The following IL1RAPL2 variants were observed in gnomAD, a reference collection of about 807,000 sequenced individuals.
IL1RAPL2 encodes the protein X-linked interleukin-1 receptor accessory protein-like 2.
In IL1RAPL2, 3 loss-of-function variants were observed where a neutral mutation model predicts 44.1. The observed-to-expected ratio is 0.07, with a 90% CI of 0.03 to 0.18. The LOEUF (loss-of-function observed/expected upper bound fraction) is 0.18, where lower values mean the gene tolerates loss of function less well. IL1RAPL2 is among the 10% of genes least tolerant of loss of function. IL1RAPL2 has a pLI of 1.00. For missense variants in IL1RAPL2, 391 were observed against 496.4 expected, an observed-to-expected ratio of 0.79 and a Z score of 2.02; for synonymous variants, 181 against 178.8, an observed-to-expected ratio of 1.01 and a Z score of -0.10.
At chrX:104,917,297 G>C (rs147539424) in intron 2 of IL1RAPL2, among the ~76,000 whole-genome samples, 9 of 111,866 alleles carry the variant, frequency 8.0e-5, no homozygotes, top group African/African-American at 1.9e-4. Flanking sequence ...AAAAGAATCT[G>C]AAAGGCTCAA....
chrX:104,947,368 C>T (rs1199634918), intron 2 of IL1RAPL2, among the ~76,000 whole-genome samples: 1 of 94,307 alleles, frequency 1.1e-5, no homozygotes, highest in East Asian at 3.4e-4. Flanking sequence ...TTGTAGGTTG[C>T]CTGTTCACTC....
intron 2 of IL1RAPL2, among the ~76,000 whole-genome samples, chrX:105,002,683 CT>C (rs1220221654): frequency 4.6e-5 from 5 of 109,340 alleles, no homozygotes; most frequent in Non-Finnish European, 7.7e-5. Flanking sequence ...CCCAACCCCC[CT>C]AATATACCCC....
intron 3 of IL1RAPL2, among the ~76,000 whole-genome samples, chrX:105,232,004 T>C (rs1177144504): frequency 8.9e-6 from 1 of 112,097 alleles, no homozygotes; most frequent in Non-Finnish European, 1.9e-5. Flanking sequence ...TTTCACTTAA[T>C]CCCCAGTGGG....
At chrX:104,608,422 T>C (rs1929066874) in intron 1 of IL1RAPL2, among the ~76,000 whole-genome samples, 1 of 110,929 alleles carries the variant, frequency 9.0e-6, no homozygotes, top group African/African-American at 3.3e-5. Context: ...CTGTCTAATG[T>C]TGACAATGGG....
At chrX:104,808,805 G>A (rs1932944127) in intron 2 of IL1RAPL2, among the ~76,000 whole-genome samples, 3 of 111,710 alleles carry the variant, frequency 2.7e-5, no homozygotes, top group Non-Finnish European at 3.8e-5. Context: ...GTTGTTGAAC[G>A]CTGGCAGTTA....
At chrX:105,535,548 T>C (rs981014517) in intron 6 of IL1RAPL2, among the ~76,000 whole-genome samples, 4 of 111,868 alleles carry the variant, frequency 3.6e-5, no homozygotes, top group African/African-American at 1.3e-4. Context: ...AAACTGGAAA[T>C]GTCCTTCAAC....
intron 2 of IL1RAPL2, among the ~76,000 whole-genome samples, chrX:105,089,471 T>C (rs1056319916): frequency 1.8e-5 from 2 of 111,064 alleles, no homozygotes; most frequent in Non-Finnish European, 3.8e-5. Flanking sequence ...TAGTTTCCTC[T>C]GTAGCCCAGG....
intron 2 of IL1RAPL2, among the ~76,000 whole-genome samples, chrX:105,160,926 G>A (rs926435739): frequency 2.7e-5 from 3 of 111,798 alleles, no homozygotes; most frequent in Non-Finnish European, 5.6e-5. Context: ...TCTCTAGATA[G>A]GTAGACAGTG....
At chrX:104,977,848 A>T (rs2030366900) in intron 2 of IL1RAPL2, among the ~76,000 whole-genome samples, 1 of 112,332 alleles carries the variant, frequency 8.9e-6, no homozygotes, top group Non-Finnish European at 1.9e-5. Context: ...GTTTTATTAT[A>T]TGCAAATTAA....
chrX:105,143,019 G>C (rs2033140448), intron 2 of IL1RAPL2, among the ~76,000 whole-genome samples: 1 of 111,058 alleles, frequency 9.0e-6, no homozygotes, highest in Admixed American at 9.6e-5. Context: ...TCTTAATCCA[G>C]TCTATCATTG....
chrX:104,761,276 G>A (rs1435979215), intron 2 of IL1RAPL2, among the ~76,000 whole-genome samples: 1 of 111,252 alleles, frequency 9.0e-6, no homozygotes, highest in Non-Finnish European at 1.9e-5. Flanking sequence ...TCACATGGTG[G>A]CAGGAAGGAG....
intron 2 of IL1RAPL2, among the ~76,000 whole-genome samples, chrX:104,783,230 A>C (rs956292657): frequency 6.3e-5 from 7 of 111,403 alleles, no homozygotes; most frequent in Non-Finnish European, 9.4e-5. Context: ...TAGGAGGAGA[A>C]ATTTAGAGGT....
At chrX:105,248,326 A>T (rs2034239883) in intron 4 of IL1RAPL2, among the ~76,000 whole-genome samples, 1 of 111,789 alleles carries the variant, frequency 8.9e-6, no homozygotes. Flanking sequence ...TTCAGATTAT[A>T]TGATTGCATA....
intron 2 of IL1RAPL2, among the ~76,000 whole-genome samples, chrX:104,734,403 A>T (rs1477848557): frequency 2.7e-5 from 3 of 112,801 alleles, no homozygotes; most frequent in African/African-American, 9.6e-5. Context: ...TCAAATTTGC[A>T]TCAACAGATG....
At chrX:104,667,751 G>A (rs761595445) in intron 2 of IL1RAPL2, among the ~76,000 whole-genome samples, 6 of 111,578 alleles carry the variant, frequency 5.4e-5, no homozygotes, top group African/African-American at 1.9e-4. Context: ...CCATTAAGTG[G>A]AAAATTTAGG....
chrX:104,986,016 C>T (rs369526660), intron 2 of IL1RAPL2, among the ~76,000 whole-genome samples: 17 of 112,274 alleles, frequency 1.5e-4, no homozygotes, highest in East Asian at 5.6e-4. Flanking sequence ...TTGCCTTTGA[C>T]ATCTTTGCTC....
At chrX:105,318,224 C>T (rs542836490) in intron 5 of IL1RAPL2, among the ~76,000 whole-genome samples, 3 of 111,194 alleles carry the variant, frequency 2.7e-5, no homozygotes, top group Non-Finnish European at 5.7e-5. Flanking sequence ...CCGCCCACCT[C>T]GGCCTCCCAA....
At chrX:105,370,348 C>T (rs890499416) in intron 5 of IL1RAPL2, among the ~76,000 whole-genome samples, 3 of 111,531 alleles carry the variant, frequency 2.7e-5, no homozygotes, top group Non-Finnish European at 3.8e-5. Flanking sequence ...GTACCCAATA[C>T]GTACTTTTTC....
At chrX:105,552,841 A>C in intron 6 of IL1RAPL2, among the ~76,000 whole-genome samples, 1 of 112,482 alleles carries the variant, frequency 8.9e-6, no homozygotes, top group Admixed American at 9.4e-5. Flanking sequence ...AATAACAAAA[A>C]AAATTTCAAT....
Sources: gnomAD v4.1 joint callset for allele counts (sites outside exome capture counted in the v4.1 genomes callset) on GRCh38, gnomAD v4.1.1 for gene constraint, MANE v1.5 for transcripts, NCBI Gene and HGNC (gene_info 2026-07-23, HGNC 2026-07-21) for gene names.